Variants in S100Z observed in about 807,000 individuals in gnomAD.
S100Z encodes the protein S100 calcium binding protein Z.
A neutral mutation model predicts 8.5 loss-of-function variants in S100Z; 11 were observed. The observed-to-expected ratio is 1.30, with a 90% CI of 0.82 to 2.15. The LOEUF (loss-of-function observed/expected upper bound fraction) is 2.15, where lower values mean the gene tolerates loss of function less well. Among genes scored for constraint, S100Z ranks in the 30% most tolerant of loss-of-function variants. The pLI, the probability that S100Z is intolerant of heterozygous loss-of-function variation, is 0.00. For synonymous variants in S100Z, 34 were observed against 43.8 expected, an observed-to-expected ratio of 0.78 and a Z score of 0.89; for missense variants, 126 against 117.9, an observed-to-expected ratio of 1.07 and a Z score of -0.32.
chr5:76,905,956 G>A lies in S100Z; in HGVS notation c.*3-14761G>A, dbSNP rs1017563488. ...TGATCCTCCCACCTCAGCCTCCTGAGTAGCTGGGACTACAGGTGTGTGACA... is the reference window on the plus strand; with the variant it reads ...TGATCCTCCCACCTCAGCCTCCTGAATAGCTGGGACTACAGGTGTGTGACA... On this transcript the variant is annotated intron_variant, in intron 4 of 4. Coordinates refer to ENST00000317593, the MANE Select transcript of S100Z (RefSeq NM_130772.4). 8.5e-5 allele frequency among the ~76,000 whole-genome samples: 13 copies of A among 152,242 alleles called. No individual in the cohort carries two copies. In the Middle Eastern group the frequency reaches 0.01, roughly 119 times the overall value.
the S100Z span, among the ~76,000 whole-genome samples, chr5:76,933,666 T>C: frequency 6.6e-6 from 1 of 152,236 alleles, no homozygotes; most frequent in Non-Finnish European, 1.5e-5. Flanking sequence ...ATTGTTCCTA[T>C]TTTTTAAGAA....
In S100Z at chr5:76,886,702, G is replaced by A. The variant is rs555478486; in HGVS notation, c.*2+8868G>A. 7.2e-5 allele frequency among the ~76,000 whole-genome samples: 11 copies of A among 152,316 alleles called. No individual in the cohort carries two copies. In the South Asian group the frequency reaches 2.3e-3, roughly 32 times the overall value. On this transcript the variant is annotated intron_variant, in intron 4 of 4. Transcript: ENST00000317593. ...TCCAAAAAGAGAGTCAGCAAAGGGT[G>A]GTGGATTATCATTAGTTCTTATAGG...
intron 2 of S100Z, among the ~76,000 whole-genome samples, chr5:76,872,590 G>A (rs1743049688): frequency 6.6e-6 from 1 of 152,140 alleles, no homozygotes; most frequent in Non-Finnish European, 1.5e-5. Flanking sequence ...GAGCCTGGGA[G>A]GTTGAGGTGC....
the S100Z span, among the ~76,000 whole-genome samples, chr5:76,949,295 A>G: frequency 6.6e-6 from 1 of 152,168 alleles, no homozygotes; most frequent in East Asian, 1.9e-4. Flanking sequence ...AGGCTGAGAC[A>G]GGAGAATGGC....
chr5:76,859,028 C>T (rs2150622439), intron 1 of S100Z, among the ~76,000 whole-genome samples: 1 of 152,312 alleles, frequency 6.6e-6, no homozygotes, highest in African/African-American at 2.4e-5. Context: ...GCATGAGAAT[C>T]TCTTGAACCC....
At chr5:76,853,734 T>C (rs1750796502) in intron 1 of S100Z, among the ~76,000 whole-genome samples, 1 of 151,446 alleles carries the variant, frequency 6.6e-6, no homozygotes, top group East Asian at 1.9e-4. Context: ...GAGGCAGAGA[T>C]TGCAGTCAGC....
At chr5:76,893,198 C>G (rs1228392250) in intron 4 of S100Z, among the ~76,000 whole-genome samples, 1 of 151,924 alleles carries the variant, frequency 6.6e-6, no homozygotes, top group African/African-American at 2.4e-5. Flanking sequence ...TTTGATTGGC[C>G]CAAATTTGGT....
chr5:76,877,888 T>C, intron 4 of S100Z, 54 bp downstream of exon 4: 4 of 1,272,622 alleles, frequency 3.1e-6, no homozygotes, highest in Non-Finnish European at 4.6e-6. Flanking sequence ...ATGTACTTAA[T>C]GTTCATTTAT....
At chr5:76,863,602 G>C (rs181698788) in intron 1 of S100Z, among the ~76,000 whole-genome samples, 4 of 151,832 alleles carry the variant, frequency 2.6e-5, no homozygotes, top group South Asian at 2.1e-4. Flanking sequence ...GCAGTGGCGC[G>C]ATCTCGGCTC....
intron 1 of S100Z, among the ~76,000 whole-genome samples, chr5:76,863,531 G>GTTTTA (rs956946479): frequency 6.6e-6 from 1 of 152,000 alleles, no homozygotes; most frequent in Non-Finnish European, 1.5e-5. Context: ...CTCTTATTTT[G>GTTTTA]TTTTATTTTA....
At chr5:76,919,340 A>G (rs1744960002) in intron 4 of S100Z, among the ~76,000 whole-genome samples, 1 of 152,240 alleles carries the variant, frequency 6.6e-6, no homozygotes. Flanking sequence ...CTCCACATCC[A>G]TGGCAGCATT....
At chr5:76,944,274 G>A in the S100Z span, among the ~76,000 whole-genome samples, 1 of 152,130 alleles carries the variant, frequency 6.6e-6, no homozygotes, top group Admixed American at 6.5e-5. Flanking sequence ...TCCCTAGTTT[G>A]TAACTAGGTG....
the S100Z span, among the ~76,000 whole-genome samples, chr5:76,930,762 AT>A: frequency 6.6e-6 from 1 of 152,188 alleles, no homozygotes; most frequent in Non-Finnish European, 1.5e-5. Context: ...TTTTTGAGGA[AT>A]TGACCATTAT....
intron 4 of S100Z, among the ~76,000 whole-genome samples, chr5:76,909,807 A>G (rs779605878): frequency 2.6e-5 from 4 of 152,198 alleles, no homozygotes; most frequent in African/African-American, 7.2e-5. Flanking sequence ...TGATAGGTAC[A>G]TAGATGTCCT....
chr5:76,926,681 A>G, the S100Z span, among the ~76,000 whole-genome samples: 2 of 152,242 alleles, frequency 1.3e-5, no homozygotes, highest in African/African-American at 4.8e-5. Flanking sequence ...TTTTAGAACA[A>G]CAGAAAGATG....
intron 2 of S100Z, among the ~76,000 whole-genome samples, chr5:76,872,456 G>C (rs911260084): frequency 6.6e-6 from 1 of 152,108 alleles, no homozygotes; most frequent in Admixed American, 6.5e-5. Flanking sequence ...GAGGCCAGGA[G>C]TTTGACACCA....
intron 4 of S100Z, among the ~76,000 whole-genome samples, chr5:76,885,428 C>T (rs1469401722): frequency 1.7e-4 from 15 of 86,916 alleles, no homozygotes; most frequent in African/African-American, 2.2e-4. Flanking sequence ...AAAGTGGGAA[C>T]AGGGTGGGAG....
At chr5:76,910,511 G>A (rs925915592) in intron 4 of S100Z, among the ~76,000 whole-genome samples, 2 of 152,182 alleles carry the variant, frequency 1.3e-5, no homozygotes, top group Non-Finnish European at 2.9e-5. Flanking sequence ...ACCCGGGATG[G>A]CTTGTTATCA....
chr5:76,906,449 C>T (rs1482950786), intron 4 of S100Z, among the ~76,000 whole-genome samples: 1 of 152,146 alleles, frequency 6.6e-6, no homozygotes. Context: ...TCCTCACCTG[C>T]CAGCACCTGC....
Sources: gnomAD v4.1 joint callset for allele counts (sites outside exome capture counted in the v4.1 genomes callset) on GRCh38, gnomAD v4.1.1 for gene constraint, MANE v1.5 for transcripts, NCBI Gene and HGNC (gene_info 2026-07-23, HGNC 2026-07-21) for gene names.